Variants in COL4A2 observed in about 807,000 individuals in gnomAD.
COL4A2 encodes the protein collagen alpha-2(IV) chain.
COL4A2 carries 99 observed loss-of-function variants against 200.2 expected under a neutral mutation model. The ratio of observed to expected loss-of-function variants is 0.49; its 90% CI spans 0.42 to 0.58. The LOEUF (loss-of-function observed/expected upper bound fraction) is 0.58, where lower values mean the gene tolerates loss of function less well. Ranked by LOEUF, COL4A2 falls within the 20% of genes least tolerant of loss-of-function variation. The pLI is 0.00. For missense variants in COL4A2, 1,950 were observed against 2,314.1 expected (o/e 0.84, Z 3.23); for synonymous variants, 897 against 900.6 (o/e 1.00, Z 0.07).
intron 4 of COL4A2, among the ~76,000 whole-genome samples, chr13:110,413,074 G>A (rs933952944): frequency 3.3e-5 from 5 of 152,158 alleles, no homozygotes; most frequent in African/African-American, 1.2e-4. Context: ...TTGAATGGAG[G>A]GTGGAGGGGA....
At chr13:110,437,977 T>A (rs1237937708) in intron 13 of COL4A2, 25 bp from the exon 14 acceptor site, 9 of 1,598,112 alleles carry the variant, frequency 5.6e-6, no homozygotes, top group Non-Finnish European at 7.7e-6. Context: ...TAATAAGCGT[T>A]TCTTATTTTT....
intron 47 of COL4A2, among the ~76,000 whole-genome samples, chr13:110,509,949 CCT>C: frequency 6.6e-6 from 1 of 152,184 alleles, no homozygotes; most frequent in East Asian, 1.9e-4. Flanking sequence ...CCAGATGTGC[CCT>C]GACTGCCGTC....
In COL4A2 at chr13:110,491,225, G is replaced by C. The variant is rs775401241; in HGVS notation, c.3347-8G>C. On this transcript the variant is annotated splice_region_variant and splice_polypyrimidine_tract_variant and intron_variant, in intron 36 of 47. Transcript: ENST00000360467. ...TGTTTGTTCCAAGCAGCATGTCTGTGGTTGCAGGTCTGAAGGGATTCTTTG... is the reference window on the plus strand; with the variant it reads ...TGTTTGTTCCAAGCAGCATGTCTGTCGTTGCAGGTCTGAAGGGATTCTTTG... 6.3e-7 allele frequency: 1 copy of C among 1,580,840 alleles called. No homozygotes were observed. Among genetic ancestry groups the C allele is most frequent in the Non-Finnish European group, 8.6e-7 (1 of 1,159,872 alleles).
intron 34 of COL4A2, among the ~76,000 whole-genome samples, chr13:110,488,119 T>C (rs1173742630): frequency 6.6e-6 from 1 of 152,168 alleles, no homozygotes; most frequent in Non-Finnish European, 1.5e-5. Flanking sequence ...CACTGCCTCC[T>C]GGTTCAAGCG....
rs541766007 is a variant in COL4A2, at chr13:110,508,204, G to A, written c.4864G>A (p.Gly1622Arg). The A allele has an allele frequency of 4.3e-6, 7 of 1,614,110 alleles. No homozygotes were observed. Among genetic ancestry groups the A allele is most frequent in the Admixed American group, 3.3e-5 (2 of 60,026 alleles). The part of the protein sequence containing the change: ...CPAGWRSLWI[G>R]YSFLMHTAAG... ...AGCTGGGTGGCGGAGTTTGTGGATC[G>A]GATATTCCTTCCTCATGGTATGTGG... Residue 1622 changes from glycine (G) to arginine (R), a missense_variant, in exon 47 of 48, where the codon GGA becomes AGA. This residue lies in a region of COL4A2 where 1,385 missense variants were observed against 1,720.5 expected (regional missense o/e 0.80). Transcript: ENST00000360467. This position sits in a 1 kb window ranked among gnomAD's most constrained non-coding sequence, Gnocchi z 6.1.
intron 4 of COL4A2, among the ~76,000 whole-genome samples, chr13:110,381,638 A>G (rs941826617): frequency 3.3e-5 from 5 of 152,148 alleles, no homozygotes; most frequent in African/African-American, 1.2e-4. Context: ...CAGGTCAACA[A>G]TGTGTTCTCG....
intron 9 of COL4A2, 23 bp from the exon 10 acceptor site, chr13:110,430,522 A>G: frequency 6.2e-7 from 1 of 1,614,188 alleles, no homozygotes; most frequent in Non-Finnish European, 8.5e-7. Flanking sequence ...TCTTAAAAAC[A>G]TTCTCCCGCT....
intron 4 of COL4A2, among the ~76,000 whole-genome samples, chr13:110,387,437 G>C (rs4359307): frequency 0.72 from 109,690 of 152,146 alleles, 39,604 homozygotes; most frequent in Non-Finnish European, 0.73. Context: ...GCGCTTCCAT[G>C]TGGGTGTTTC....
chr13:110,418,382 T>A (rs1444648774), intron 4 of COL4A2, among the ~76,000 whole-genome samples: 1 of 150,394 alleles, frequency 6.6e-6, no homozygotes, highest in East Asian at 1.9e-4. Context: ...GCTAACTTTT[T>A]CTTTTATAGG....
chr13:110,410,448 C>G (rs1322705698), intron 4 of COL4A2, among the ~76,000 whole-genome samples: 1 of 152,198 alleles, frequency 6.6e-6, no homozygotes, highest in Non-Finnish European at 1.5e-5. Context: ...TGGACAGCCC[C>G]TTGGGGTTCA....
At chr13:110,325,478 A>G (rs1272507441) in intron 3 of COL4A2, among the ~76,000 whole-genome samples, 2 of 152,206 alleles carry the variant, frequency 1.3e-5, no homozygotes, top group East Asian at 1.9e-4. Flanking sequence ...CCTATTAGAG[A>G]TAAAAGCAAA....
chr13:110,358,400 C>A (rs190885458), intron 4 of COL4A2, among the ~76,000 whole-genome samples: 2 of 152,288 alleles, frequency 1.3e-5, no homozygotes, highest in Non-Finnish European at 2.9e-5. Context: ...CTGGATTCTT[C>A]CTGAAGCACC....
intron 4 of COL4A2, among the ~76,000 whole-genome samples, chr13:110,372,315 T>C (rs566264226): frequency 6.6e-6 from 1 of 152,282 alleles, no homozygotes; most frequent in East Asian, 1.9e-4. Flanking sequence ...AAAATAATAA[T>C]GTTTCCGTCT....
chr13:110,399,002 C>CT (rs1392042786), intron 4 of COL4A2, among the ~76,000 whole-genome samples: 1 of 151,972 alleles, frequency 6.6e-6, no homozygotes, highest in African/African-American at 2.4e-5. Context: ...TTGTAAGAAG[C>CT]TTTTTTTATT....
rs145291405 is a variant in COL4A2, at chr13:110,423,672, C to T, written c.181-1062C>T. Reference sequence around the variant, plus strand: ...CACCAATCCATCTCCAGAACTTTCTCATCTTCCCAAACCGAAGCTCTGTCC... The same window carrying T: ...CACCAATCCATCTCCAGAACTTTCTTATCTTCCCAAACCGAAGCTCTGTCC... On this transcript the variant is annotated intron_variant, in intron 4 of 47. Coordinates refer to ENST00000360467, the MANE Select transcript of COL4A2 (RefSeq NM_001846.4). 1.5e-3 allele frequency among the ~76,000 whole-genome samples: 235 copies of T among 152,296 alleles called. 3 individuals are homozygous for T. The highest frequency in any genetic ancestry group is 0.014 in the Admixed American group (214 of 15,310).
At chr13:110,322,256 C>G (rs1307655195) in intron 3 of COL4A2, among the ~76,000 whole-genome samples, 1 of 152,228 alleles carries the variant, frequency 6.6e-6, no homozygotes, top group Non-Finnish European at 1.5e-5. Flanking sequence ...CTGCCCGTGC[C>G]TCTGTTCTTG....
chr13:110,378,044 C>T (rs1044177759), intron 4 of COL4A2, among the ~76,000 whole-genome samples: 3 of 152,184 alleles, frequency 2.0e-5, no homozygotes, highest in African/African-American at 4.8e-5. Context: ...ATTAAAACCA[C>T]GGTCACATTT....
At chr13:110,356,855 C>T (rs1260906104) in intron 3 of COL4A2, among the ~76,000 whole-genome samples, 1 of 151,720 alleles carries the variant, frequency 6.6e-6, no homozygotes, top group African/African-American at 2.4e-5. Flanking sequence ...CAACCTCCAC[C>T]TCCCGGTTCA....
chr13:110,394,811 C>A (rs1054977272), intron 4 of COL4A2, among the ~76,000 whole-genome samples: 4 of 152,174 alleles, frequency 2.6e-5, no homozygotes, highest in African/African-American at 9.7e-5. Flanking sequence ...GAGTTCTGGC[C>A]CATCTGGTGC....
Sources: allele counts gnomAD v4.1 joint callset (sites outside exome capture counted in the v4.1 genomes callset), GRCh38; gene constraint gnomAD v4.1.1; regional missense constraint gnomAD v4.1.1; non-coding constraint Gnocchi (gnomAD v3.1); transcripts MANE v1.5; gene names NCBI Gene and HGNC (gene_info 2026-07-23, HGNC 2026-07-21).